PCDH15: variants seen among roughly 807,000 people sequenced by gnomAD.
PCDH15 encodes protocadherin-15.
A neutral mutation model predicts 178.5 loss-of-function variants in PCDH15; 129 were observed. That is an observed-to-expected ratio of 0.72 (90% CI 0.63 to 0.84). The LOEUF (loss-of-function observed/expected upper bound fraction) is 0.84, where lower values mean the gene tolerates loss of function less well. Ranked by LOEUF, PCDH15 falls within the 40% of genes least tolerant of loss-of-function variation. The pLI, the probability that PCDH15 is intolerant of heterozygous loss-of-function variation, is 0.00. For missense variants in PCDH15, 2,230 were observed against 2,099.9 expected (o/e 1.06, Z -1.21); for synonymous variants, 800 against 732.0 (o/e 1.09, Z -1.50).
chr10:54,474,446 C>T (rs1182283902), intron 3 of PCDH15, among the ~76,000 whole-genome samples: 1 of 151,894 alleles, frequency 6.6e-6, no homozygotes, highest in Non-Finnish European at 1.5e-5. Flanking sequence ...TCTTCCAGGT[C>T]ATTAAGTCAC....
intron 2 of PCDH15, among the ~76,000 whole-genome samples, chr10:55,395,467 A>G (rs1400040846): frequency 6.6e-6 from 1 of 152,104 alleles, no homozygotes; most frequent in Non-Finnish European, 1.5e-5. Flanking sequence ...GCTGAAATAC[A>G]TTGAAAATAA....
chr10:54,445,724 T>C (rs2076104424), intron 3 of PCDH15, among the ~76,000 whole-genome samples: 1 of 151,604 alleles, frequency 6.6e-6, no homozygotes, highest in Non-Finnish European at 1.5e-5. Flanking sequence ...TTAATTTTTT[T>C]CTTATATTTT....
At chr10:54,712,061 G>C (rs1360657293) in intron 1 of PCDH15, among the ~76,000 whole-genome samples, 1 of 151,816 alleles carries the variant, frequency 6.6e-6, no homozygotes, top group Non-Finnish European at 1.5e-5. Flanking sequence ...TATATACGTA[G>C]TAGTGTAATT....
At chr10:54,267,462 T>C (rs2057766487) in intron 8 of PCDH15, among the ~76,000 whole-genome samples, 1 of 151,764 alleles carries the variant, frequency 6.6e-6, no homozygotes. Flanking sequence ...GACATCCAAA[T>C]AGGAAAAGAG....
Position 53,935,862 on chromosome 10 carries a change from G to A in PCDH15, c.3373+2953C>T, listed in dbSNP as rs570686428. 2.6e-5 allele frequency among the ~76,000 whole-genome samples: 4 copies of A among 151,340 alleles called. No homozygotes were observed. The South Asian group carries it at 8.4e-4, about 32-fold the overall frequency. ...AATATTTTGGCTAATGAATATAGAA[G>A]TAATAAAAATAAAAAAATAATGGAT... is the stretch of plus-strand genomic sequence containing the variant. On this transcript the variant is annotated intron_variant, in intron 25 of 37. Transcript: ENST00000644397.
chr10:54,892,703 A>G (rs1330733915), intron 3 of PCDH15, among the ~76,000 whole-genome samples: 4 of 150,822 alleles, frequency 2.7e-5, no homozygotes, highest in Non-Finnish European at 4.4e-5. Flanking sequence ...GAAAAAAATA[A>G]ATGAGAATGG....
rs142295246 is a variant in PCDH15 at position 54,073,847 on chromosome 10, C to T, written c.2091+5484G>A. Among the ~76,000 whole-genome samples the T allele has an allele frequency of 4.9e-4, 74 of 152,304 alleles. 3 individuals are homozygous for T. In the East Asian group the frequency reaches 0.014, roughly 29 times the overall value. On this transcript the variant is annotated intron_variant, in intron 17 of 37. Transcript: ENST00000644397. ...TTCGCATATTTATTTATATCTTTCA[C>T]TGTGTTATTGGTTGATTAACACAGC...
At chr10:55,147,592 C>A (rs2799601) in intron 2 of PCDH15, among the ~76,000 whole-genome samples, 79,200 of 149,850 alleles carry the variant, frequency 0.53, 21,382 homozygotes, top group South Asian at 0.64. Context: ...TTCTTTCCTC[C>A]TTATGTCTCT....
chr10:55,090,393 C>T (rs1842287048), intron 2 of PCDH15, among the ~76,000 whole-genome samples: 1 of 151,862 alleles, frequency 6.6e-6, no homozygotes, highest in Non-Finnish European at 1.5e-5. Context: ...TAGTCTTATA[C>T]TCAGGCTTGC....
intron 8 of PCDH15, among the ~76,000 whole-genome samples, chr10:54,290,580 A>C (rs2132981115): frequency 6.6e-6 from 1 of 152,354 alleles, no homozygotes; most frequent in South Asian, 2.1e-4. Context: ...TAAATGTCCT[A>C]ATTAAAAGAT....
At chr10:54,074,791 A>C in intron 17 of PCDH15, among the ~76,000 whole-genome samples, 1 of 152,220 alleles carries the variant, frequency 6.6e-6, no homozygotes, top group South Asian at 2.1e-4. Flanking sequence ...CAGTGGTTGT[A>C]CCATTTTACA....
At chr10:54,167,887 G>T (rs2046422531) in intron 13 of PCDH15, among the ~76,000 whole-genome samples, 1 of 123,640 alleles carries the variant, frequency 8.1e-6, no homozygotes, top group Non-Finnish European at 1.6e-5. Context: ...TTATTTCTGT[G>T]CCCCGACCTC....
At chr10:54,746,885 G>GA (rs1235615785) in intron 1 of PCDH15, among the ~76,000 whole-genome samples, 1 of 152,224 alleles carries the variant, frequency 6.6e-6, no homozygotes, top group Non-Finnish European at 1.5e-5. Context: ...TCGCACAGAT[G>GA]AGAGTACAGA....
At chr10:54,138,234 T>C (rs981586070) in intron 14 of PCDH15, among the ~76,000 whole-genome samples, 1 of 152,026 alleles carries the variant, frequency 6.6e-6, no homozygotes, top group African/African-American at 2.4e-5. Context: ...TGGGGGCTTG[T>C]TTGTAATTGT....
At chr10:55,339,947 C>T (rs1254793978) in intron 2 of PCDH15, among the ~76,000 whole-genome samples, 2 of 151,434 alleles carry the variant, frequency 1.3e-5, no homozygotes, top group East Asian at 3.9e-4. Flanking sequence ...AAAAAAAAAC[C>T]CACAAATAGT....
intron 19 of PCDH15, 93 bp downstream of exon 19, chr10:54,022,799 T>A: frequency 8.4e-7 from 1 of 1,194,482 alleles, no homozygotes; most frequent in Non-Finnish European, 1.2e-6. Context: ...CAACTTGGTA[T>A]GTTGTATTGT....
chr10:55,490,048 A>T (rs926571792), intron 2 of PCDH15, among the ~76,000 whole-genome samples: 28 of 151,884 alleles, frequency 1.8e-4, no homozygotes, highest in Non-Finnish European at 3.2e-4. Flanking sequence ...AGAAAAAAAA[A>T]TTTGAAAAAT....
Position 54,125,535 on chromosome 10 carries a change from G to C in PCDH15, c.1917+7340C>G, listed in dbSNP as rs576883190. The stretch of plus-strand genomic sequence containing the variant: ...AGGTAGATGTACTTTGCTATTGAAG[G>C]GATTGTGGGCAAGTCTAAGCAAAGC... On this transcript the variant is annotated intron_variant, in intron 15 of 37. Transcript: ENST00000644397. 1.1e-4 allele frequency among the ~76,000 whole-genome samples: 16 copies of C among 152,264 alleles called. No homozygotes were observed. In the South Asian group the frequency reaches 3.3e-3, roughly 32 times the overall value.
intron 18 of PCDH15, among the ~76,000 whole-genome samples, chr10:54,053,761 T>C (rs1432491578): frequency 6.6e-6 from 1 of 152,154 alleles, no homozygotes; most frequent in East Asian, 1.9e-4. Flanking sequence ...TGGGTAATAA[T>C]AACCATATTG....
Sources: gnomAD v4.1 joint callset for allele counts (sites outside exome capture counted in the v4.1 genomes callset) on GRCh38, gnomAD v4.1.1 for gene constraint, MANE v1.5 for transcripts, NCBI Gene and HGNC (gene_info 2026-07-23, HGNC 2026-07-21) for gene names.